PCDHA7: variants seen among roughly 807,000 people sequenced by gnomAD.
PCDHA7 encodes protocadherin alpha-7.
Under a neutral mutation model 57.2 loss-of-function variants are expected in PCDHA7, and 37 were observed. That is an observed-to-expected ratio of 0.65 (90% CI 0.50 to 0.85). The LOEUF (loss-of-function observed/expected upper bound fraction) is 0.85. Among genes scored for constraint, PCDHA7 ranks in the 40% least tolerant of loss-of-function variants. The probability of loss-of-function intolerance (pLI) is 0.00; values close to 1 mark genes in which losing one functional copy is unlikely to be tolerated. For synonymous variants in PCDHA7, 553 were observed against 558.8 expected, an observed-to-expected ratio of 0.99 and a Z score of 0.15; for missense variants, 1,188 against 1,241.8, an observed-to-expected ratio of 0.96 and a Z score of 0.65.
intron 1 of PCDHA7, chr5:140,870,781 A>T: frequency 2.5e-6 from 4 of 1,613,654 alleles, no homozygotes; most frequent in Non-Finnish European, 3.4e-6. Flanking sequence ...CGAGAACGAC[A>T]ACGCGCCGGC....
At chr5:140,870,496 G>A in intron 1 of PCDHA7, 1 of 1,614,234 alleles carries the variant, frequency 6.2e-7, no homozygotes, top group Non-Finnish European at 8.5e-7. Flanking sequence ...GTTCGTGAAG[G>A]AGAACAACCC....
intron 1 of PCDHA7, among the ~76,000 whole-genome samples, chr5:140,844,605 G>GA (rs1306948486): frequency 6.7e-6 from 1 of 149,186 alleles, no homozygotes; most frequent in Non-Finnish European, 1.5e-5. Context: ...ATATGACTTA[G>GA]AAAAATGTTT....
intron 1 of PCDHA7, chr5:140,848,382 ACTCT>A (rs1581148542): frequency 1.7e-6 from 2 of 1,188,866 alleles, no homozygotes; most frequent in Non-Finnish European, 2.4e-6. Flanking sequence ...ATTCTTTTTC[ACTCT>A]CTCTGTGCTG....
In PCDHA7 at chr5:140,852,980, G is replaced by A. The variant is rs2150526808; in HGVS notation, c.2355+16242G>A. The A allele has an allele frequency of 1.0e-4, 36 of 347,518 alleles. 1 individual carries two copies. The highest frequency in any genetic ancestry group is 1.4e-4 in the Non-Finnish European group (33 of 236,394). 21.5% of individuals were successfully genotyped at this position (347,518 alleles called of 1,614,324 possible). A position where few individuals can be genotyped will look rare whatever the true frequency, so the allele number is the denominator to read the frequency against. The stretch of plus-strand genomic sequence containing the variant: ...TCCAAGCTCCCCCTCCCGTGTTCAC[G>A]CCATTCTCCTGCCTCAGCCTCCCGA... On this transcript the variant is annotated intron_variant, in intron 1 of 3. Transcript: ENST00000525929.
chr5:140,928,551 G>T, intron 1 of PCDHA7: 2 of 1,614,164 alleles, frequency 1.2e-6, no homozygotes, highest in Non-Finnish European at 1.7e-6. Context: ...ACAATTATCC[G>T]GTTATCTTGT....
At chr5:140,968,749 G>A in intron 1 of PCDHA7, 1 of 1,614,150 alleles carries the variant, frequency 6.2e-7, no homozygotes, top group Non-Finnish European at 8.5e-7. Context: ...TGACCGTGGT[G>A]GTCCGAGATA....
At chr5:140,927,610 A>C in intron 1 of PCDHA7, 2 of 1,614,162 alleles carry the variant, frequency 1.2e-6, no homozygotes, top group Non-Finnish European at 1.7e-6. Flanking sequence ...CGTATACCGC[A>C]CCAAGGTTCC....
In PCDHA7 at chr5:140,836,301, A is replaced by G. The variant is rs2150257154; in HGVS notation, c.1918A>G (p.Thr640Ala). Reference sequence around the variant, plus strand: ...CAGCACGACACGAGCCCTAGATGAGACGGACGCACCGCGCCACCGCCTTCT... The same window carrying G: ...CAGCACGACACGAGCCCTAGATGAGGCGGACGCACCGCGCCACCGCCTTCT... ...EISTTRALDE[T>A]DAPRHRLLVL... Residue 640 changes from threonine to alanine, a missense_variant, in exon 1 of 4, where the codon ACG becomes GCG. This residue lies in a region of PCDHA7 where 892 missense variants were observed against 788.5 expected (regional missense o/e 1.13). Transcript: ENST00000525929. 2 of 1,613,612 alleles carry G rather than the reference A, an allele frequency of 1.2e-6. No individual in the cohort carries two copies. Among genetic ancestry groups the G allele is most frequent in the South Asian group, 1.1e-5 (1 of 91,066 alleles).
At chr5:140,978,897 G>A in intron 1 of PCDHA7, 52 bp from the exon 2 acceptor site, 2 of 1,612,776 alleles carry the variant, frequency 1.2e-6, no homozygotes, top group South Asian at 1.1e-5. Flanking sequence ...AGCATTCCTG[G>A]GAGAACATTG....
chr5:140,841,632 T>G lies in PCDHA7; in HGVS notation c.2355+4894T>G, dbSNP rs2150319799. On this transcript the variant is annotated intron_variant, in intron 1 of 3. Transcript: ENST00000525929. ...TGCGGGCGGAGCGCGGAGTGCAGCA[T>G]CCACCTGGAGGTGATCGTGGACAGG... is the stretch of plus-strand genomic sequence containing the variant. The G allele has an allele frequency of 8.1e-6, 13 of 1,614,152 alleles. No homozygotes were observed. In the Admixed American group the frequency reaches 1.8e-4, roughly 23 times the overall value.
chr5:140,884,305 G>A (rs1223534357), intron 1 of PCDHA7: 2 of 1,613,602 alleles, frequency 1.2e-6, no homozygotes, highest in Non-Finnish European at 1.7e-6. Context: ...CACAGGCTTC[G>A]TCGAGGGCGT....
chr5:140,921,706 T>C (rs2080341352), intron 1 of PCDHA7, among the ~76,000 whole-genome samples: 1 of 152,148 alleles, frequency 6.6e-6, no homozygotes, highest in Non-Finnish European at 1.5e-5. Flanking sequence ...TTTTAAACAG[T>C]AAACACACGA....
At position 140,984,181 on chromosome 5, in the gene PCDHA7, C is replaced by T. The variant is rs995252456; in HGVS notation, c.2503+1618C>T. Among the ~76,000 whole-genome samples, 5 of 152,210 alleles carry T rather than the reference C, an allele frequency of 3.3e-5. No individual in the cohort carries two copies. In the East Asian group the frequency reaches 9.6e-4, roughly 29 times the overall value. Reference sequence around the variant, plus strand: ...ACTTCCCAAAGAAGCCACGTGAAATCATGACTTTCTACCTTGCCTTTATTT... The same window carrying T: ...ACTTCCCAAAGAAGCCACGTGAAATTATGACTTTCTACCTTGCCTTTATTT... On this transcript the variant is annotated intron_variant, in intron 3 of 3. Coordinates refer to ENST00000525929, the MANE Select transcript of PCDHA7 (RefSeq NM_018910.3).
intron 1 of PCDHA7, among the ~76,000 whole-genome samples, chr5:140,936,540 G>A (rs1320380132): frequency 6.6e-6 from 1 of 152,174 alleles, no homozygotes; most frequent in East Asian, 1.9e-4. Context: ...TGAATATAGT[G>A]CAATGTAGAA....
At chr5:140,857,293 G>A (rs1554149807) in intron 1 of PCDHA7, 1 of 1,598,774 alleles carries the variant, frequency 6.3e-7, no homozygotes, top group Admixed American at 1.7e-5. Flanking sequence ...TGGACCGCGA[G>A]AGGGTGTCGG....
intron 1 of PCDHA7, among the ~76,000 whole-genome samples, chr5:140,898,820 G>A (rs1303151513): frequency 6.6e-6 from 1 of 152,208 alleles, no homozygotes; most frequent in Admixed American, 6.5e-5. Context: ...TCCTACCCAT[G>A]AGCATGGAAT....
intron 3 of PCDHA7, among the ~76,000 whole-genome samples, chr5:140,996,311 G>T (rs191577867): frequency 2.6e-5 from 4 of 152,184 alleles, no homozygotes; most frequent in African/African-American, 7.2e-5. Context: ...ACAAAGTAAG[G>T]GGGGAGGGTA....
intron 1 of PCDHA7, chr5:140,855,801 TGAAA>T: frequency 4.2e-6 from 2 of 474,526 alleles, no homozygotes; most frequent in Non-Finnish European, 7.5e-6. Context: ...AACATATGAA[TGAAA>T]GAAAAGTTGT....
intron 3 of PCDHA7, among the ~76,000 whole-genome samples, chr5:140,994,608 G>C (rs1231327885): frequency 1.3e-5 from 2 of 152,098 alleles, no homozygotes; most frequent in Admixed American, 1.3e-4. Context: ...GGGAGGCTGA[G>C]GCACGAGAGT....
Sources: allele counts gnomAD v4.1 joint callset (sites outside exome capture counted in the v4.1 genomes callset), GRCh38; gene constraint gnomAD v4.1.1; regional missense constraint gnomAD v4.1.1; transcripts MANE v1.5; gene names NCBI Gene and HGNC (gene_info 2026-07-23, HGNC 2026-07-21).